Variants in NUBPL observed in about 807,000 individuals in gnomAD.
NUBPL encodes the protein NUBP iron-sulfur cluster assembly factor, mitochondrial, also known as iron-sulfur cluster transfer protein NUBPL.
A neutral mutation model predicts 45.7 loss-of-function variants in NUBPL; 31 were observed. That is an observed-to-expected ratio of 0.68 (90% CI 0.51 to 0.92). The LOEUF is 0.92. NUBPL is among the 40% of genes least tolerant of loss of function. NUBPL has a pLI of 0.00. For missense variants in NUBPL, 401 were observed against 398.7 expected, an observed-to-expected ratio of 1.01 and a Z score of -0.05; for synonymous variants, 144 against 140.9, an observed-to-expected ratio of 1.02 and a Z score of -0.15.
At chr14:31,706,049 G>T (rs939189443) in intron 6 of NUBPL, among the ~76,000 whole-genome samples, 14 of 152,178 alleles carry the variant, frequency 9.2e-5, no homozygotes, top group Non-Finnish European at 2.9e-5. Context: ...CCCCCATAGC[G>T]CATCGGCAGG....
chr14:31,700,582 C>T (rs528400563), intron 6 of NUBPL, among the ~76,000 whole-genome samples: 19 of 152,120 alleles, frequency 1.2e-4, no homozygotes. Context: ...GCATGTGGCC[C>T]TTGCAGGCCA....
intron 6 of NUBPL, among the ~76,000 whole-genome samples, chr14:31,739,256 T>A (rs60990217): frequency 0.42 from 50,058 of 118,924 alleles, 10,767 homozygotes; most frequent in East Asian, 0.58. Flanking sequence ...ATATATATTT[T>A]TTTTTTTTAG....
intron 8 of NUBPL, among the ~76,000 whole-genome samples, chr14:31,838,245 G>T (rs796223356): frequency 7.8e-6 from 1 of 128,776 alleles, no homozygotes. Flanking sequence ...CTTCTTTAAC[G>T]TATTAAGTTA....
chr14:31,807,397 T>G (rs2039711149), intron 7 of NUBPL, among the ~76,000 whole-genome samples: 1 of 152,240 alleles, frequency 6.6e-6, no homozygotes, highest in African/African-American at 2.4e-5. Flanking sequence ...TTTTCATGTG[T>G]CTGTTGGCTG....
chr14:31,754,300 G>T (rs562164860), intron 6 of NUBPL, among the ~76,000 whole-genome samples: 1 of 152,234 alleles, frequency 6.6e-6, no homozygotes, highest in South Asian at 2.1e-4. Flanking sequence ...CACACAGAGA[G>T]AAAATAATCT....
chr14:31,610,722 C>T (rs2034733982), intron 4 of NUBPL, among the ~76,000 whole-genome samples: 1 of 151,662 alleles, frequency 6.6e-6, no homozygotes, highest in African/African-American at 2.4e-5. Context: ...ATACATTAGA[C>T]CATTCATCAT....
At chr14:31,566,725 G>T (rs1306289517) in intron 3 of NUBPL, among the ~76,000 whole-genome samples, 1 of 152,132 alleles carries the variant, frequency 6.6e-6, no homozygotes, top group African/African-American at 2.4e-5. Context: ...GATTATCCTG[G>T]ATTATCTGGC....
intron 6 of NUBPL, among the ~76,000 whole-genome samples, chr14:31,693,222 A>G (rs1295858855): frequency 1.3e-5 from 2 of 152,188 alleles, no homozygotes; most frequent in African/African-American, 2.4e-5. Context: ...AGTAGTTGTA[A>G]GGCATCCATA....
At chr14:31,689,521 C>G (rs1409211838) in intron 6 of NUBPL, among the ~76,000 whole-genome samples, 4 of 151,086 alleles carry the variant, frequency 2.6e-5, no homozygotes, top group Non-Finnish European at 4.4e-5. Context: ...GTTTTTTTTT[C>G]TTGTAAATTT....
chr14:31,688,716 G>A (rs7146010), intron 6 of NUBPL, among the ~76,000 whole-genome samples: 1 of 145,282 alleles, frequency 6.9e-6, no homozygotes, highest in South Asian at 2.1e-4. Flanking sequence ...TGTTATATAG[G>A]TAAACTCATT....
At chr14:31,652,427 T>C (rs1427109064) in intron 4 of NUBPL, among the ~76,000 whole-genome samples, 1 of 152,156 alleles carries the variant, frequency 6.6e-6, no homozygotes, top group Non-Finnish European at 1.5e-5. Context: ...TGAAAATTGC[T>C]AAGAGAGTAC....
intron 3 of NUBPL, among the ~76,000 whole-genome samples, chr14:31,565,466 T>C (rs1355408449): frequency 2.0e-5 from 3 of 152,222 alleles, no homozygotes; most frequent in Non-Finnish European, 4.4e-5. Flanking sequence ...ATGCATTCCT[T>C]TCTGTTCCAG....
Position 31,602,366 on chromosome 14 carries a change from G to A in NUBPL, c.382+2987G>A, listed in dbSNP as rs182957600. On this transcript the variant is annotated intron_variant, in intron 4 of 10. Transcript: ENST00000281081. ...TAACTAACCTGCACATTGTGCACAT[G>A]TACCCTAAAACTTAAAGTATAATAA... is the stretch of plus-strand genomic sequence containing the variant. Among the ~76,000 whole-genome samples, 525 of 132,956 alleles carry A rather than the reference G, an allele frequency of 3.9e-3. 2 individuals are homozygous for A. Among genetic ancestry groups the A allele is most frequent in the African/African-American group, 0.014 (497 of 34,714 alleles). The allele number at this position is 132,956 out of a possible 152,430, so 87.2% of individuals were successfully genotyped here.
intron 10 of NUBPL, among the ~76,000 whole-genome samples, chr14:31,853,407 T>C (rs1331569211): frequency 1.3e-5 from 2 of 152,180 alleles, no homozygotes; most frequent in East Asian, 1.9e-4. Flanking sequence ...ATAGGCACGA[T>C]TATAAATCAG....
At chr14:31,645,077 T>G (rs2035807551) in intron 4 of NUBPL, among the ~76,000 whole-genome samples, 1 of 151,688 alleles carries the variant, frequency 6.6e-6, no homozygotes, top group African/African-American at 2.4e-5. Flanking sequence ...TTCTTTTTTT[T>G]TTTTTTGAGA....
At chr14:31,634,859 A>G (rs1176991611) in intron 4 of NUBPL, among the ~76,000 whole-genome samples, 20 of 149,850 alleles carry the variant, frequency 1.3e-4, no homozygotes, top group Non-Finnish European at 2.2e-4. Flanking sequence ...GCATTTTTTC[A>G]TGTGTCTTTT....
At chr14:31,646,872 A>T in intron 4 of NUBPL, among the ~76,000 whole-genome samples, 1 of 150,634 alleles carries the variant, frequency 6.6e-6, no homozygotes, top group African/African-American at 2.4e-5. Context: ...ATAATTTTCT[A>T]TATCTTGTAG....
chr14:31,858,757 A>G (rs1265208827), intron 10 of NUBPL, among the ~76,000 whole-genome samples: 1 of 152,184 alleles, frequency 6.6e-6, no homozygotes, highest in African/African-American at 2.4e-5. Context: ...ATGCTAAAGA[A>G]GTTTTGGCAG....
At chr14:31,812,330 A>G (rs2039823897) in intron 7 of NUBPL, among the ~76,000 whole-genome samples, 2 of 152,044 alleles carry the variant, frequency 1.3e-5, no homozygotes, top group Admixed American at 6.5e-5. Flanking sequence ...TTGTTTACCT[A>G]CTCAATCCTC....
Sources: gnomAD v4.1 joint callset for allele counts (sites outside exome capture counted in the v4.1 genomes callset) on GRCh38, gnomAD v4.1.1 for gene constraint, MANE v1.5 for transcripts, NCBI Gene and HGNC (gene_info 2026-07-23, HGNC 2026-07-21) for gene names.